TMEM17: variants seen among roughly 807,000 people sequenced by gnomAD.
TMEM17 encodes the protein transmembrane protein 17.
A neutral mutation model predicts 19.1 loss-of-function variants in TMEM17; 15 were observed. The observed-to-expected ratio is 0.78, with a 90% CI of 0.52 to 1.21. The LOEUF is 1.21. Ranked by LOEUF, TMEM17 falls within the 50% of genes most tolerant of loss-of-function variation. TMEM17 has a pLI of 0.00. For missense variants in TMEM17, 245 were observed against 242.3 expected (o/e 1.01, Z -0.07); for synonymous variants, 103 against 86.9 (o/e 1.19, Z -1.03).
chr2:62,469,641 A>G, the TMEM17 span, among the ~76,000 whole-genome samples: 2 of 152,234 alleles, frequency 1.3e-5, no homozygotes, highest in African/African-American at 4.8e-5. Flanking sequence ...GGAGGCAAAC[A>G]GCAGTTTGAA....
chr2:62,458,678 G>C, the TMEM17 span, among the ~76,000 whole-genome samples: 1 of 152,230 alleles, frequency 6.6e-6, no homozygotes, highest in African/African-American at 2.4e-5. Context: ...GCCAGAAAAT[G>C]TTTAAAGGAG....
chr2:62,459,245 C>T, the TMEM17 span, among the ~76,000 whole-genome samples: 1 of 152,238 alleles, frequency 6.6e-6, no homozygotes, highest in Non-Finnish European at 1.5e-5. Context: ...TCCACCTTGA[C>T]TCAGCTCTTG....
At chr2:62,485,468 A>T in the TMEM17 span, among the ~76,000 whole-genome samples, 1 of 152,200 alleles carries the variant, frequency 6.6e-6, no homozygotes, top group African/African-American at 2.4e-5. Flanking sequence ...ACTTCAACAA[A>T]AATATTCATG....
the TMEM17 span, among the ~76,000 whole-genome samples, chr2:62,489,503 G>A: frequency 6.6e-6 from 1 of 152,122 alleles, no homozygotes; most frequent in Admixed American, 6.5e-5. Context: ...TTTAGTAAGG[G>A]GCTTAATTAT....
chr2:62,505,915 A>T (rs892466423), intron 1 of TMEM17, 115 bp downstream of exon 1: 2 of 1,039,600 alleles, frequency 1.9e-6, no homozygotes, highest in African/African-American at 1.7e-5. Flanking sequence ...CGCACTGCGG[A>T]GAACTGGCTG....
chr2:62,499,872 G>A (rs966478146), downstream of TMEM17, among the ~76,000 whole-genome samples: 1 of 152,164 alleles, frequency 6.6e-6, no homozygotes, highest in African/African-American at 2.4e-5. Flanking sequence ...ATACACCCAA[G>A]CAACTTTGTT....
the TMEM17 span, among the ~76,000 whole-genome samples, chr2:62,484,281 T>C: frequency 1.3e-5 from 2 of 152,218 alleles, no homozygotes; most frequent in African/African-American, 4.8e-5. Context: ...GATGTTCCCA[T>C]TGAACAGTTG....
the TMEM17 span, among the ~76,000 whole-genome samples, chr2:62,467,921 G>C: frequency 2.0e-5 from 3 of 148,102 alleles, no homozygotes; most frequent in Admixed American, 6.8e-5. Flanking sequence ...AAACAGATGC[G>C]AATTGTGAAA....
chr2:62,458,997 A>T, the TMEM17 span, among the ~76,000 whole-genome samples: 1 of 152,258 alleles, frequency 6.6e-6, no homozygotes, highest in Non-Finnish European at 1.5e-5. Flanking sequence ...ACATTTGTGT[A>T]CGACTTCATA....
At chr2:62,475,765 G>T in the TMEM17 span, among the ~76,000 whole-genome samples, 736 of 152,306 alleles carry the variant, frequency 4.8e-3, 3 homozygotes, top group African/African-American at 0.017. Flanking sequence ...GGCTGGTTTT[G>T]TCTGTTTTTT....
chr2:62,482,609 G>C, the TMEM17 span, among the ~76,000 whole-genome samples: 1 of 152,120 alleles, frequency 6.6e-6, no homozygotes, highest in Non-Finnish European at 1.5e-5. Context: ...CCATCGATAG[G>C]CCTTGACCCA....
At chr2:62,462,529 A>G in the TMEM17 span, among the ~76,000 whole-genome samples, 3 of 152,172 alleles carry the variant, frequency 2.0e-5, no homozygotes, top group East Asian at 1.9e-4. Flanking sequence ...TTACAATTTC[A>G]TTCCCAGTAC....
In TMEM17 at chr2:62,500,878, T is replaced by C. The variant is rs1004820748; in HGVS notation, c.*331A>G. On this transcript the variant is annotated 3_prime_UTR_variant, in exon 4 of 4. Coordinates refer to ENST00000335390, the MANE Select transcript of TMEM17 (RefSeq NM_198276.3). ...AACAAGTTTTAAAGAAATGTATACA[T>C]CTCTAGTTAAAGATTCTAACCAGAA... is the stretch of plus-strand genomic sequence containing the variant. The C allele has an allele frequency of 1.4e-5, 3 of 206,906 alleles. No individual in the cohort carries two copies. Among genetic ancestry groups the C allele is most frequent in the African/African-American group, 7.0e-5 (3 of 43,002 alleles). The allele number at this position is 206,906 out of a possible 1,614,324, so 12.8% of individuals were successfully genotyped here.
chr2:62,504,558 A>T (rs1434699109), intron 1 of TMEM17, among the ~76,000 whole-genome samples: 1 of 152,228 alleles, frequency 6.6e-6, no homozygotes, highest in East Asian at 1.9e-4. Context: ...CAGCAGATCA[A>T]ACTTATAATC....
At chr2:62,495,929 T>A (rs572007716), downstream of TMEM17, among the ~76,000 whole-genome samples, 1 of 152,232 alleles carries the variant, frequency 6.6e-6, no homozygotes, top group Non-Finnish European at 1.5e-5. Context: ...CCTAGGGCTG[T>A]CCCAACTCAA....
At position 62,501,304 on chromosome 2, in the gene TMEM17, G is replaced by T; in HGVS notation, c.502C>A (p.Gln168Lys). The change falls in exon 4 of 4, where the codon CAG becomes AAG. Residue 168 changes from glutamine to lysine, a missense_variant. Physicochemically the swap from Gln to Lys is moderately conservative, Grantham distance 53 (BLOSUM62 1). Coordinates refer to ENST00000335390, the MANE Select transcript of TMEM17 (RefSeq NM_198276.3). ...AFLTLRKMVNQLAVRFHLQDF... is the reference protein window; with the variant it reads ...AFLTLRKMVNKLAVRFHLQDF... ...TGGAGGTGGAAACGAACTGCCAACT[G>T]ATTAACCATTTTCCTTAAGGTAAGA... The T allele has an allele frequency of 1.2e-6, 2 of 1,614,174 alleles. No individual in the cohort carries two copies. The highest frequency in any genetic ancestry group is 1.7e-6 in the Non-Finnish European group (2 of 1,180,032).
the TMEM17 span, chr2:62,491,376 G>A: frequency 1.3e-5 from 2 of 152,056 alleles, no homozygotes; most frequent in African/African-American, 4.8e-5. Flanking sequence ...GCCCAGGTTG[G>A]AAATGGAGCA....
chr2:62,487,552 C>T, the TMEM17 span, among the ~76,000 whole-genome samples: 1 of 152,228 alleles, frequency 6.6e-6, no homozygotes, highest in Non-Finnish European at 1.5e-5. Flanking sequence ...TTTTAAAAGC[C>T]CTTTTAAATA....
At chr2:62,498,487 C>A (rs1325420274), downstream of TMEM17, among the ~76,000 whole-genome samples, 2 of 150,796 alleles carry the variant, frequency 1.3e-5, no homozygotes, top group Non-Finnish European at 3.0e-5. Flanking sequence ...GAGGCCGAGG[C>A]GGGCGGATCA....
Sources: gnomAD v4.1 joint callset for allele counts (sites outside exome capture counted in the v4.1 genomes callset) on GRCh38, gnomAD v4.1.1 for gene constraint, MANE v1.5 for transcripts, NCBI Gene and HGNC (gene_info 2026-07-23, HGNC 2026-07-21) for gene names.